The following CAMTA1 variants were observed in gnomAD, a reference collection of about 807,000 sequenced individuals.
CAMTA1 encodes calmodulin-binding transcription activator 1.
In CAMTA1, 27 loss-of-function variants were observed where a neutral mutation model predicts 170.9. The ratio of observed to expected loss-of-function variants is 0.16; its 90% CI spans 0.12 to 0.22. The LOEUF is 0.22. CAMTA1 is among the 10% of genes least tolerant of loss of function. CAMTA1 has a pLI of 1.00. For synonymous variants in CAMTA1, 833 were observed against 891.5 expected (o/e 0.93, Z 1.17); for missense variants, 1,619 against 2,217.2 (o/e 0.73, Z 5.42).
rs865825572 is a variant in CAMTA1, at chr1:7,642,459, C to T, written c.664+1906C>T. ...GCCAGAGGCTAGGAGTCTGGGGCACCGGTGCTGCGGGCCCTGCTGTCAGGC... is the reference window on the plus strand; with the variant it reads ...GCCAGAGGCTAGGAGTCTGGGGCACTGGTGCTGCGGGCCCTGCTGTCAGGC... On this transcript the variant is annotated intron_variant, in intron 7 of 22. Coordinates refer to ENST00000303635, the MANE Select transcript of CAMTA1 (RefSeq NM_015215.4). This position sits in a 1 kb window ranked among gnomAD's most constrained non-coding sequence, Gnocchi z 6.3. Among the ~76,000 whole-genome samples, 9 of 152,146 alleles carry T rather than the reference C, an allele frequency of 5.9e-5. No individual in the cohort carries two copies. The highest frequency in any genetic ancestry group is 1.7e-4 in the African/African-American group (7 of 41,440).
intron 3 of CAMTA1, among the ~76,000 whole-genome samples, chr1:6,902,063 ACAC>A (rs1557793089): frequency 9.1e-6 from 1 of 109,672 alleles, no homozygotes; most frequent in African/African-American, 3.3e-5. Flanking sequence ...ACACACACAC[ACAC>A]ACACACAAAA....
rs1051556760 is a variant in CAMTA1 at position 7,681,493 on chromosome 1, G to A, written c.2914+3760G>A. ...ATTTCTCCTCCACCCACAAAGGTGCGGATTCAGAACAAATTTCCTCTGTCC... is the reference window on the plus strand; with the variant it reads ...ATTTCTCCTCCACCCACAAAGGTGCAGATTCAGAACAAATTTCCTCTGTCC... On this transcript the variant is annotated intron_variant, in intron 11 of 22. Transcript: ENST00000303635. This position sits in a 1 kb window ranked among gnomAD's most constrained non-coding sequence, Gnocchi z 4.6. Among the ~76,000 whole-genome samples, 8 of 152,164 alleles carry A rather than the reference G, an allele frequency of 5.3e-5. No homozygotes were observed. The highest frequency in any genetic ancestry group is 1.9e-4 in the African/African-American group (8 of 41,446).
At chr1:6,975,496 G>A (rs568259511) in intron 3 of CAMTA1, among the ~76,000 whole-genome samples, 61 of 152,254 alleles carry the variant, frequency 4.0e-4, no homozygotes, top group Admixed American at 9.2e-4. Context: ...AAGAATGAAC[G>A]AATGCTACGA....
chr1:7,765,871 C>G (rs1316395040), intron 22 of CAMTA1, among the ~76,000 whole-genome samples: 1 of 151,840 alleles, frequency 6.6e-6, no homozygotes, highest in Non-Finnish European at 1.5e-5. Context: ...CTAAAAAATA[C>G]AGAAAATTAG....
rs372219946 is a variant in CAMTA1 at position 7,751,202 on chromosome 1, G to A, written c.4693G>A (p.Ala1565Thr). ...QRCYRKYKQY[A>T]LYKKMTQAAI... The stretch of plus-strand genomic sequence containing the variant: ...CTTGTTCTTGTTTCCCCTGCAGTAC[G>A]CACTTTATAAAAAGATGACACAGGC... The change falls in exon 20 of 23, where the codon GCA becomes ACA. Residue 1565 changes from alanine to threonine, a missense_variant. Transcript: ENST00000303635. 57 of 1,585,046 alleles carry A rather than the reference G, an allele frequency of 3.6e-5. No homozygotes were observed. The highest frequency in any genetic ancestry group is 4.5e-5 in the Non-Finnish European group (53 of 1,168,162).
At chr1:7,175,199 C>T (rs1650535292) in intron 4 of CAMTA1, among the ~76,000 whole-genome samples, 1 of 152,104 alleles carries the variant, frequency 6.6e-6, no homozygotes, top group African/African-American at 2.4e-5. Flanking sequence ...CCTCTTGTCC[C>T]AGTGGACACT....
At chr1:6,911,800 T>C (rs762116047) in intron 3 of CAMTA1, among the ~76,000 whole-genome samples, 1 of 152,234 alleles carries the variant, frequency 6.6e-6, no homozygotes, top group Non-Finnish European at 1.5e-5. Context: ...GATTCCCTCA[T>C]GTGTTTCCTC....
intron 6 of CAMTA1, among the ~76,000 whole-genome samples, chr1:7,604,225 G>C (rs1342309202): frequency 1.3e-5 from 2 of 152,096 alleles, no homozygotes; most frequent in Non-Finnish European, 2.9e-5. Flanking sequence ...TTTGAATATT[G>C]GCCTGCCTTG....
intron 3 of CAMTA1, among the ~76,000 whole-genome samples, chr1:7,086,999 A>G (rs1247235754): frequency 2.0e-5 from 3 of 152,236 alleles, no homozygotes; most frequent in African/African-American, 2.4e-5. Context: ...GGGAAGGAAC[A>G]TGCACGCCCG....
At chr1:7,250,194 C>T (rs932375319) in intron 5 of CAMTA1, among the ~76,000 whole-genome samples, 2 of 152,110 alleles carry the variant, frequency 1.3e-5, no homozygotes, top group East Asian at 1.9e-4. Flanking sequence ...GGGTTTTGGC[C>T]CTTGGGTAAA....
chr1:6,944,078 T>C (rs1687180058), intron 3 of CAMTA1, among the ~76,000 whole-genome samples: 1 of 152,154 alleles, frequency 6.6e-6, no homozygotes, highest in South Asian at 2.1e-4. Flanking sequence ...TTTGTCTCTG[T>C]GAGTCTGACT....
chr1:7,534,456 G>A lies in CAMTA1; in HGVS notation c.510+66555G>A, dbSNP rs2094526553. On this transcript the variant is annotated intron_variant, in intron 6 of 22. Coordinates refer to ENST00000303635, the MANE Select transcript of CAMTA1 (RefSeq NM_015215.4). The surrounding 1 kb of genome is among the most constrained non-coding windows in gnomAD (Gnocchi z 5.6). ...GAGTGTTATTTGTCCAAATGAATTT[G>A]TGTCACGTTTCACAAAAAATCTGCT... Among the ~76,000 whole-genome samples, 1 of 152,210 alleles carries A rather than the reference G, an allele frequency of 6.6e-6. No individual in the cohort carries two copies. Among genetic ancestry groups the A allele is most frequent in the South Asian group, 2.1e-4 (1 of 4,832 alleles).
chr1:7,386,789 T>C (rs913412324), intron 5 of CAMTA1, among the ~76,000 whole-genome samples: 34 of 152,122 alleles, frequency 2.2e-4, no homozygotes, highest in African/African-American at 7.5e-4. Flanking sequence ...AAAAATACTT[T>C]CCCGGGTCAC....
In CAMTA1 at chr1:7,579,646, G is replaced by A. The variant is rs563628782; in HGVS notation, c.511-60754G>A. On this transcript the variant is annotated intron_variant, in intron 6 of 22. Transcript: ENST00000303635. ...ACAATCTCGGCTCACTGCAACCTCC[G>A]CCTCACAGGTTCAAGTGATTCCCTC... 1.8e-4 allele frequency among the ~76,000 whole-genome samples: 23 copies of A among 130,082 alleles called. No homozygotes were observed. In the East Asian group the frequency reaches 5.1e-3, roughly 29 times the overall value. 85.3% of individuals were successfully genotyped at this position (130,082 alleles called of 152,430 possible).
chr1:6,851,971 A>G (rs1415156020), intron 3 of CAMTA1, among the ~76,000 whole-genome samples: 1 of 150,960 alleles, frequency 6.6e-6, no homozygotes, highest in African/African-American at 2.4e-5. Flanking sequence ...CCAAGATCCC[A>G]CCAAAGTACT....
intron 4 of CAMTA1, among the ~76,000 whole-genome samples, chr1:7,102,179 G>A (rs1027092229): frequency 3.3e-5 from 5 of 152,048 alleles, no homozygotes; most frequent in Non-Finnish European, 7.4e-5. Flanking sequence ...TTTTCTCCTC[G>A]AAGAAAAAAT....
chr1:6,933,544 G>A (rs1450256573), intron 3 of CAMTA1, among the ~76,000 whole-genome samples: 3 of 152,162 alleles, frequency 2.0e-5, no homozygotes, highest in African/African-American at 7.2e-5. Context: ...ACAGGTGTGA[G>A]CCACTGTGCC....
At chr1:7,722,537 T>G (rs2096656493) in intron 11 of CAMTA1, among the ~76,000 whole-genome samples, 1 of 152,320 alleles carries the variant, frequency 6.6e-6, no homozygotes, top group Middle Eastern at 3.4e-3. Flanking sequence ...TATTCTGGGA[T>G]TATGAGTCTA....
chr1:6,849,756 C>T lies in CAMTA1; in HGVS notation c.234+24546C>T, dbSNP rs997855210. ...CCACTTAAAAAATATTAGGTTAGGC[C>T]GGATGTGGTGGCACATGCCTGTAAT... is the stretch of plus-strand genomic sequence containing the variant. On this transcript the variant is annotated intron_variant, in intron 3 of 22. Coordinates refer to ENST00000303635, the MANE Select transcript of CAMTA1 (RefSeq NM_015215.4). 5.9e-5 allele frequency among the ~76,000 whole-genome samples: 9 copies of T among 151,974 alleles called. No individual in the cohort carries two copies. In the East Asian group the frequency reaches 7.7e-4, roughly 13 times the overall value.
Sources: allele counts gnomAD v4.1 joint callset (sites outside exome capture counted in the v4.1 genomes callset), GRCh38; gene constraint gnomAD v4.1.1; non-coding constraint Gnocchi (gnomAD v3.1); transcripts MANE v1.5; gene names NCBI Gene and HGNC (gene_info 2026-07-23, HGNC 2026-07-21).